The following SETBP1 variants were observed in gnomAD, a reference collection of about 807,000 sequenced individuals.
SETBP1 encodes SET-binding protein.
Under a neutral mutation model 101.0 loss-of-function variants are expected in SETBP1, and 9 were observed. The observed-to-expected ratio is 0.09, with a 90% CI of 0.05 to 0.16. The LOEUF (loss-of-function observed/expected upper bound fraction) is 0.16, where lower values mean the gene tolerates loss of function less well. Among genes scored for constraint, SETBP1 ranks in the 10% least tolerant of loss-of-function variants. The pLI is 1.00. For synonymous variants in SETBP1, 818 were observed against 788.5 expected, an observed-to-expected ratio of 1.04 and a Z score of -0.63; for missense variants, 1,858 against 2,033.8, an observed-to-expected ratio of 0.91 and a Z score of 1.66.
intron 1 of SETBP1, chr18:44,697,057 G>A (rs1222540940): frequency 6.6e-6 from 1 of 152,312 alleles, no homozygotes; most frequent in Non-Finnish European, 1.5e-5. Context: ...CCTGAGCCAA[G>A]TACAGAGTGT....
chr18:44,932,789 A>G (rs1487331806), intron 3 of SETBP1, among the ~76,000 whole-genome samples: 3 of 150,620 alleles, frequency 2.0e-5, no homozygotes, highest in Non-Finnish European at 4.4e-5. Context: ...TCATTTAAGG[A>G]CTCCTCAGGT....
At chr18:44,870,494 TCTGGA>T (rs1568191836) in intron 3 of SETBP1, 1 of 152,222 alleles carries the variant, frequency 6.6e-6, no homozygotes, top group East Asian at 1.9e-4. Context: ...AATCCTCCTG[TCTGGA>T]AAGTAGTGAG....
At chr18:45,037,419 A>T (rs1018370908) in intron 4 of SETBP1, among the ~76,000 whole-genome samples, 2 of 152,094 alleles carry the variant, frequency 1.3e-5, no homozygotes, top group Non-Finnish European at 2.9e-5. Context: ...AATAATAGGG[A>T]TAATAATAAT....
At chr18:44,795,609 G>T (rs553190392) in intron 2 of SETBP1, among the ~76,000 whole-genome samples, 37 of 152,312 alleles carry the variant, frequency 2.4e-4, no homozygotes, top group African/African-American at 8.7e-4. Context: ...AAAGGCTACA[G>T]ATAACAGGTG....
At chr18:44,778,889 T>G (rs1337394210) in intron 2 of SETBP1, among the ~76,000 whole-genome samples, 1 of 151,796 alleles carries the variant, frequency 6.6e-6, no homozygotes, top group East Asian at 1.9e-4. Flanking sequence ...GAGCATTTAA[T>G]CCTGCGCAGT....
intron 4 of SETBP1, among the ~76,000 whole-genome samples, chr18:44,990,673 A>G (rs1365939949): frequency 2.0e-5 from 3 of 151,934 alleles, no homozygotes; most frequent in African/African-American, 7.3e-5. Flanking sequence ...CCCCCCACAC[A>G]CACGTTGGCT....
chr18:44,733,280 G>A (rs1016295056), intron 2 of SETBP1: 1 of 152,186 alleles, frequency 6.6e-6, no homozygotes, highest in Non-Finnish European at 1.5e-5. Context: ...TAATTAATTT[G>A]GAAGTTGGGG....
intron 4 of SETBP1, among the ~76,000 whole-genome samples, chr18:45,004,900 G>A (rs2072692922): frequency 6.6e-6 from 1 of 152,156 alleles, no homozygotes; most frequent in African/African-American, 2.4e-5. Context: ...ATTGACATTG[G>A]GAGTGATCCT....
chr18:44,763,754 T>C (rs902832874), intron 2 of SETBP1, among the ~76,000 whole-genome samples: 29 of 152,200 alleles, frequency 1.9e-4, no homozygotes, highest in Middle Eastern at 3.2e-3. Context: ...ATATTAATCC[T>C]TTCCTCCTTT....
intron 2 of SETBP1, among the ~76,000 whole-genome samples, chr18:44,812,277 G>A (rs1291378794): frequency 6.6e-6 from 1 of 152,064 alleles, no homozygotes; most frequent in Admixed American, 6.5e-5. Flanking sequence ...TGATAATGAT[G>A]TCATTCCTAA....
At chr18:44,787,860 CAAAAAAAA>C (rs11399627) in intron 2 of SETBP1, among the ~76,000 whole-genome samples, 1 of 9,218 alleles carries the variant, frequency 1.1e-4, no homozygotes, top group Non-Finnish European at 2.2e-4. Context: ...GAGTCCGTCT[CAAAAAAAA>C]AAAAAAAAAA....
intron 3 of SETBP1, among the ~76,000 whole-genome samples, chr18:44,921,380 A>G (rs540496285): frequency 6.6e-6 from 1 of 152,318 alleles, no homozygotes; most frequent in South Asian, 2.1e-4. Context: ...TAGCCTTATG[A>G]GCCCTGAGCA....
chr18:45,050,865 C>G (rs2073709840), intron 5 of SETBP1, among the ~76,000 whole-genome samples: 1 of 152,196 alleles, frequency 6.6e-6, no homozygotes, highest in Non-Finnish European at 1.5e-5. Flanking sequence ...AAATTCTCCT[C>G]CAGGGCATCT....
At chr18:44,713,781 C>T (rs957055766) in intron 2 of SETBP1, among the ~76,000 whole-genome samples, 4 of 152,164 alleles carry the variant, frequency 2.6e-5, no homozygotes, top group Admixed American at 1.3e-4. Context: ...GATAGTCAGT[C>T]GATTCTCTAG....
intron 4 of SETBP1, among the ~76,000 whole-genome samples, chr18:44,955,164 A>G (rs2071455176): frequency 6.6e-6 from 1 of 152,214 alleles, no homozygotes; most frequent in Non-Finnish European, 1.5e-5. Context: ...TTGACTTCAT[A>G]AAATTTCCCA....
At chr18:44,753,178 T>C (rs149092859) in intron 2 of SETBP1, among the ~76,000 whole-genome samples, 1 of 152,288 alleles carries the variant, frequency 6.6e-6, no homozygotes, top group African/African-American at 2.4e-5. Flanking sequence ...TACTAATGAG[T>C]TTATAGATCA....
chr18:44,827,270 A>G (rs1303549646), intron 2 of SETBP1, among the ~76,000 whole-genome samples: 1 of 152,218 alleles, frequency 6.6e-6, no homozygotes, highest in Non-Finnish European at 1.5e-5. Flanking sequence ...CAAAAACAAA[A>G]GCTTGTGACG....
chr18:44,921,970 T>A (rs1428082211), intron 3 of SETBP1, among the ~76,000 whole-genome samples: 3 of 152,136 alleles, frequency 2.0e-5, no homozygotes, highest in Admixed American at 6.5e-5. Flanking sequence ...ACCCATGTAT[T>A]TCCAGACGTC....
chr18:44,693,127 G>A (rs957922508), intron 1 of SETBP1, among the ~76,000 whole-genome samples: 6 of 152,206 alleles, frequency 3.9e-5, no homozygotes, highest in Non-Finnish European at 5.9e-5. Context: ...TACCAGTGTT[G>A]TGGAGCATTT....
Sources: allele counts gnomAD v4.1 joint callset (sites outside exome capture counted in the v4.1 genomes callset), GRCh38; gene constraint gnomAD v4.1.1; transcripts MANE v1.5; gene names NCBI Gene and HGNC (gene_info 2026-07-23, HGNC 2026-07-21).